Variants in CNTLN observed in about 807,000 individuals in gnomAD.
CNTLN encodes centlein, centrosomal protein.
Under a neutral mutation model 180.0 loss-of-function variants are expected in CNTLN, and 212 were observed. The ratio of observed to expected loss-of-function variants is 1.18; its 90% CI spans 1.05 to 1.32. The LOEUF (loss-of-function observed/expected upper bound fraction) is 1.32, where lower values mean the gene tolerates loss of function less well. CNTLN is among the 40% of genes most tolerant of loss of function. CNTLN has a pLI of 0.00. For missense variants in CNTLN, 2,095 were observed against 1,610.9 expected (o/e 1.30, Z -5.14); for synonymous variants, 722 against 563.1 (o/e 1.28, Z -3.99).
intron 5 of CNTLN, among the ~76,000 whole-genome samples, chr9:17,251,905 C>T (rs1396343328): frequency 1.3e-5 from 2 of 151,794 alleles, no homozygotes; most frequent in Non-Finnish European, 3.0e-5. Flanking sequence ...ACTTTCCCTT[C>T]CTAGTATATG....
At chr9:17,318,535 T>C (rs1819689022) in intron 8 of CNTLN, among the ~76,000 whole-genome samples, 1 of 152,190 alleles carries the variant, frequency 6.6e-6, no homozygotes, top group African/African-American at 2.4e-5. Flanking sequence ...TATTGACTTA[T>C]ATGTGAAATA....
intron 6 of CNTLN, among the ~76,000 whole-genome samples, chr9:17,284,562 A>G (rs558719589): frequency 3.6e-4 from 55 of 152,254 alleles, no homozygotes; most frequent in Admixed American, 2.5e-3. Flanking sequence ...TATTTATAGT[A>G]TTATCTGAAG....
At chr9:17,388,013 T>C in intron 13 of CNTLN, 149 bp from the exon 14 acceptor site, 1 of 416,354 alleles carries the variant, frequency 2.4e-6, no homozygotes. Flanking sequence ...TTGAAAAGGG[T>C]CATTGTTTAG....
At chr9:17,519,013 C>G in the CNTLN span, among the ~76,000 whole-genome samples, 1 of 152,102 alleles carries the variant, frequency 6.6e-6, no homozygotes, top group African/African-American at 2.4e-5. Flanking sequence ...ACCTCTGCCT[C>G]CCGGGCTCAA....
intron 2 of CNTLN, among the ~76,000 whole-genome samples, chr9:17,224,072 C>G: frequency 6.6e-6 from 1 of 152,100 alleles, no homozygotes; most frequent in East Asian, 1.9e-4. Context: ...TACATGTTAA[C>G]TATTCTATAT....
chr9:17,424,079 CTGTTTGGCCA>C (rs958306340), intron 18 of CNTLN, among the ~76,000 whole-genome samples: 5 of 152,226 alleles, frequency 3.3e-5, no homozygotes, highest in African/African-American at 1.2e-4. Flanking sequence ...CACTGGAGTT[CTGTTTGGCCA>C]TTTTGCTCTG....
chr9:17,214,351 A>T (rs1371399322), intron 2 of CNTLN, among the ~76,000 whole-genome samples: 1 of 152,152 alleles, frequency 6.6e-6, no homozygotes, highest in Non-Finnish European at 1.5e-5. Context: ...TGGGTTGAAA[A>T]TTATTTTCTT....
At chr9:17,279,096 T>G (rs928914213) in intron 6 of CNTLN, among the ~76,000 whole-genome samples, 5 of 152,154 alleles carry the variant, frequency 3.3e-5, no homozygotes, top group African/African-American at 4.8e-5. Flanking sequence ...TGTTATTATT[T>G]TTTTTTAAAC....
intron 12 of CNTLN, among the ~76,000 whole-genome samples, chr9:17,346,113 GA>G (rs1272751634): frequency 2.0e-5 from 3 of 152,160 alleles, no homozygotes; most frequent in African/African-American, 7.2e-5. Flanking sequence ...GAGGCCTCAG[GA>G]AACTTACAAT....
At chr9:17,403,105 G>A (rs1192047016) in intron 15 of CNTLN, among the ~76,000 whole-genome samples, 2 of 151,816 alleles carry the variant, frequency 1.3e-5, no homozygotes, top group Middle Eastern at 3.4e-3. Context: ...GAGGTCTGTG[G>A]GAAGGTTGGT....
chr9:17,415,144 A>T (rs1225202170), intron 16 of CNTLN, among the ~76,000 whole-genome samples: 1 of 152,144 alleles, frequency 6.6e-6, no homozygotes, highest in Non-Finnish European at 1.5e-5. Flanking sequence ...ATACAATTTT[A>T]AATTGGTGAA....
At chr9:17,256,473 A>G (rs1449967510) in intron 5 of CNTLN, among the ~76,000 whole-genome samples, 1 of 151,664 alleles carries the variant, frequency 6.6e-6, no homozygotes, top group Non-Finnish European at 1.5e-5. Context: ...GTGAGATGGT[A>G]TCTCATTGTG....
At chr9:17,319,926 T>C (rs766045219) in intron 8 of CNTLN, among the ~76,000 whole-genome samples, 7 of 152,228 alleles carry the variant, frequency 4.6e-5, no homozygotes, top group Non-Finnish European at 4.4e-5. Flanking sequence ...GATTGAAACC[T>C]GTGACCCTTG....
At chr9:17,522,843 T>C in the CNTLN span, among the ~76,000 whole-genome samples, 462 of 152,324 alleles carry the variant, frequency 3.0e-3, 1 homozygote, top group Non-Finnish European at 4.6e-3. Flanking sequence ...TTCACCTGCA[T>C]GATGCCCGCT....
intron 13 of CNTLN, among the ~76,000 whole-genome samples, chr9:17,378,535 T>C (rs1453962810): frequency 6.6e-6 from 1 of 152,182 alleles, no homozygotes. Flanking sequence ...TTTGTTATTG[T>C]TGTTGTTTTC....
chr9:17,264,942 T>G (rs942252730), intron 5 of CNTLN, among the ~76,000 whole-genome samples: 2 of 146,614 alleles, frequency 1.4e-5, no homozygotes, highest in Non-Finnish European at 3.0e-5. Context: ...GATTTGGGGC[T>G]GAGACAATGG....
In CNTLN at chr9:17,466,032, C is replaced by T. The variant is rs1831725421; in HGVS notation, c.3583C>T (p.Leu1195=). Residue 1195 remains leucine, a synonymous_variant, in exon 22 of 26, where the codon CTA becomes TTA. Coordinates refer to ENST00000380647, the MANE Select transcript of CNTLN (RefSeq NM_017738.4). ...CSNKKVSIDS[L]KQRLNVAVKE... ...CAACAAGAAGGTATCAATTGATTCA[C>T]TAAAGCAAAGACTTAACGTTGCTGT... 6.2e-7 allele frequency: 1 copy of T among 1,604,508 alleles called. No homozygotes were observed. The highest frequency in any genetic ancestry group is 1.3e-5 in the African/African-American group (1 of 74,406).
At chr9:17,154,781 A>G (rs550086434) in intron 2 of CNTLN, among the ~76,000 whole-genome samples, 2 of 152,350 alleles carry the variant, frequency 1.3e-5, no homozygotes, top group African/African-American at 4.8e-5. Flanking sequence ...AGCGCTCTGT[A>G]AAATGGACTA....
At chr9:17,247,788 T>C (rs951401537) in intron 5 of CNTLN, among the ~76,000 whole-genome samples, 2 of 151,520 alleles carry the variant, frequency 1.3e-5, no homozygotes, top group African/African-American at 4.9e-5. Flanking sequence ...ACTTTTTTTT[T>C]TTTTTTTGCA....
Sources: gnomAD v4.1 joint callset for allele counts (sites outside exome capture counted in the v4.1 genomes callset) on GRCh38, gnomAD v4.1.1 for gene constraint, MANE v1.5 for transcripts, NCBI Gene and HGNC (gene_info 2026-07-23, HGNC 2026-07-21) for gene names.